THSD4: variants seen among roughly 807,000 people sequenced by gnomAD.
THSD4 encodes thrombospondin type 1 domain containing 4, also known as thrombospondin type-1 domain-containing protein 4.
THSD4 carries 69 observed loss-of-function variants against 119.0 expected under a neutral mutation model. That is an observed-to-expected ratio of 0.58 (90% CI 0.48 to 0.71). The LOEUF (loss-of-function observed/expected upper bound fraction) is 0.71. Ranked by LOEUF, THSD4 falls within the 30% of genes least tolerant of loss-of-function variation. THSD4 has a pLI of 0.00. For synonymous variants in THSD4, 524 were observed against 540.4 expected (o/e 0.97, Z 0.42); for missense variants, 1,393 against 1,391.1 (o/e 1.00, Z -0.02).
intron 7 of THSD4, among the ~76,000 whole-genome samples, chr15:71,637,483 G>C (rs545172174): frequency 1.2e-3 from 186 of 152,240 alleles, no homozygotes; most frequent in Non-Finnish European, 1.4e-3. Flanking sequence ...TGAGGGATGA[G>C]AACTGAGAAG....
chr15:71,635,495 G>A (rs1345570741), intron 7 of THSD4, among the ~76,000 whole-genome samples: 1 of 152,190 alleles, frequency 6.6e-6, no homozygotes, highest in Non-Finnish European at 1.5e-5. Context: ...AAAGAAAAAA[G>A]TGGACCAATT....
intron 16 of THSD4, among the ~76,000 whole-genome samples, chr15:71,770,475 C>T (rs1293341527): frequency 6.6e-6 from 1 of 150,380 alleles, no homozygotes; most frequent in Non-Finnish European, 1.5e-5. Flanking sequence ...GGCAACATGG[C>T]GAAACCCCGT....
At chr15:71,511,214 A>T (rs2048278961) in intron 7 of THSD4, among the ~76,000 whole-genome samples, 1 of 152,132 alleles carries the variant, frequency 6.6e-6, no homozygotes, top group Non-Finnish European at 1.5e-5. Flanking sequence ...CTGTGTGTGG[A>T]ACTGGTAACC....
intron 7 of THSD4, among the ~76,000 whole-genome samples, chr15:71,552,531 G>C (rs1303881639): frequency 6.6e-6 from 1 of 152,180 alleles, no homozygotes; most frequent in African/African-American, 2.4e-5. Context: ...TCTTTTTCTA[G>C]TATCTAAAAT....
intron 7 of THSD4, among the ~76,000 whole-genome samples, chr15:71,423,697 T>C (rs905837648): frequency 6.6e-6 from 1 of 152,136 alleles, no homozygotes; most frequent in Admixed American, 6.5e-5. Context: ...TCTCACTAGG[T>C]TTCGTGCCCC....
At chr15:71,106,836 G>C (rs2040276088) in intron 1 of THSD4, among the ~76,000 whole-genome samples, 1 of 151,142 alleles carries the variant, frequency 6.6e-6, no homozygotes, top group African/African-American at 2.4e-5. Flanking sequence ...ACGATGATTT[G>C]TACATTGAGT....
chr15:71,361,255 C>T (rs1461095009), intron 6 of THSD4, among the ~76,000 whole-genome samples: 1 of 152,150 alleles, frequency 6.6e-6, no homozygotes, highest in Non-Finnish European at 1.5e-5. Flanking sequence ...TATTAGCTGA[C>T]CTACTTCTCT....
chr15:71,703,254 C>T (rs532236772), intron 8 of THSD4, among the ~76,000 whole-genome samples: 9 of 152,184 alleles, frequency 5.9e-5, no homozygotes, highest in Non-Finnish European at 7.3e-5. Flanking sequence ...GGGTTATAGG[C>T]GTGAGCCACC....
chr15:71,499,891 A>G (rs1005120863), intron 7 of THSD4, among the ~76,000 whole-genome samples: 1 of 152,148 alleles, frequency 6.6e-6, no homozygotes, highest in Non-Finnish European at 1.5e-5. Context: ...TTATCCATTC[A>G]TCTACAGTTG....
In THSD4 at chr15:71,292,797, C is replaced by A. The variant is rs1341975884; in HGVS notation, c.1015+36082C>A. Among the ~76,000 whole-genome samples, 4 of 151,956 alleles carry A rather than the reference C, an allele frequency of 2.6e-5. 1 individual carries two copies. In the South Asian group the frequency reaches 8.3e-4, roughly 32 times the overall value. On this transcript the variant is annotated intron_variant, in intron 6 of 17. Coordinates refer to ENST00000261862, the MANE Select transcript of THSD4 (RefSeq NM_024817.3). ...GTTCACACCATTCTCCTGCCTCAGCCTCCCGAGTAGCTGGGACTACAGGCA... is the reference window on the plus strand; with the variant it reads ...GTTCACACCATTCTCCTGCCTCAGCATCCCGAGTAGCTGGGACTACAGGCA...
chr15:71,240,838 C>CACACACACAT (rs374887677), intron 4 of THSD4, among the ~76,000 whole-genome samples: 79 of 137,150 alleles, frequency 5.8e-4, no homozygotes, highest in African/African-American at 8.7e-4. Flanking sequence ...CACACACACA[C>CACACACACAT]ATATATACAT....
chr15:71,359,328 C>T (rs1011282097), intron 6 of THSD4, among the ~76,000 whole-genome samples: 2 of 152,226 alleles, frequency 1.3e-5, no homozygotes, highest in African/African-American at 2.4e-5. Flanking sequence ...ATCTTTGATT[C>T]TCCCTCTATT....
chr15:71,567,599 C>A (rs896975217), intron 7 of THSD4, among the ~76,000 whole-genome samples: 7 of 137,234 alleles, frequency 5.1e-5, no homozygotes, highest in African/African-American at 1.5e-4. Context: ...CAAAGACACC[C>A]CCCCACACAC....
At chr15:71,183,159 C>A (rs573158043) in intron 3 of THSD4, 2 of 151,646 alleles carry the variant, frequency 1.3e-5, no homozygotes, top group Non-Finnish European at 2.9e-5. Flanking sequence ...AAAGCAGGAG[C>A]GAAGGAATGC....
intron 6 of THSD4, among the ~76,000 whole-genome samples, chr15:71,260,984 C>T (rs1481609623): frequency 6.6e-6 from 1 of 152,168 alleles, no homozygotes; most frequent in Non-Finnish European, 1.5e-5. Flanking sequence ...TGCCTGTAAT[C>T]CCAGCTACGC....
intron 6 of THSD4, among the ~76,000 whole-genome samples, chr15:71,339,009 G>C (rs376563426): frequency 2.0e-5 from 3 of 152,106 alleles, no homozygotes; most frequent in African/African-American, 7.2e-5. Flanking sequence ...CAGGCTCCTT[G>C]CAGGACATCA....
intron 8 of THSD4, among the ~76,000 whole-genome samples, chr15:71,681,352 A>G (rs367830594): frequency 3.9e-5 from 6 of 152,296 alleles, no homozygotes; most frequent in African/African-American, 1.4e-4. Flanking sequence ...ATTTTTTTCT[A>G]GACTTATCAA....
intron 8 of THSD4, among the ~76,000 whole-genome samples, chr15:71,681,689 A>AG (rs1369384298): frequency 2.6e-5 from 4 of 152,112 alleles, no homozygotes; most frequent in African/African-American, 9.6e-5. Context: ...AAAAAAAAAA[A>AG]AAAGTTTTAC....
intron 3 of THSD4, among the ~76,000 whole-genome samples, chr15:71,210,108 G>A (rs528466354): frequency 6.6e-6 from 1 of 152,260 alleles, no homozygotes; most frequent in East Asian, 1.9e-4. Context: ...GTGACCTTCT[G>A]TTCACATGTA....
Sources: gnomAD v4.1 joint callset for allele counts (sites outside exome capture counted in the v4.1 genomes callset) on GRCh38, gnomAD v4.1.1 for gene constraint, MANE v1.5 for transcripts, NCBI Gene and HGNC (gene_info 2026-07-23, HGNC 2026-07-21) for gene names.